The following LRMDA variants were observed in gnomAD, a reference collection of about 807,000 sequenced individuals.
LRMDA encodes the protein leucine rich melanocyte differentiation associated.
LRMDA carries 18 observed loss-of-function variants against 29.8 expected under a neutral mutation model. The observed-to-expected ratio is 0.60, with a 90% CI of 0.42 to 0.90. LRMDA has a LOEUF of 0.90. Among genes scored for constraint, LRMDA ranks in the 40% least tolerant of loss-of-function variants. The pLI, the probability that LRMDA is intolerant of heterozygous loss-of-function variation, is 0.00. For missense variants in LRMDA, 273 were observed against 273.9 expected (o/e 1.00, Z 0.02); for synonymous variants, 125 against 109.4 (o/e 1.14, Z -0.89).
At chr10:75,744,995 C>T (rs1842873338) in intron 2 of LRMDA, among the ~76,000 whole-genome samples, 1 of 152,222 alleles carries the variant, frequency 6.6e-6, no homozygotes, top group Non-Finnish European at 1.5e-5. Context: ...TCTGACCACA[C>T]TGTGCACGTC....
chr10:75,862,175 G>A (rs562197617), intron 2 of LRMDA, among the ~76,000 whole-genome samples: 1 of 85,944 alleles, frequency 1.2e-5, no homozygotes, highest in South Asian at 4.6e-4. Flanking sequence ...CAAAACCTTG[G>A]GTTCACACAC....
intron 2 of LRMDA, among the ~76,000 whole-genome samples, chr10:75,619,006 C>G (rs1244540911): frequency 6.6e-6 from 1 of 151,892 alleles, no homozygotes; most frequent in African/African-American, 2.4e-5. Flanking sequence ...ACCGTGTTAG[C>G]CAGGTTGGTC....
chr10:75,996,814 G>A (rs1041729080), intron 2 of LRMDA, among the ~76,000 whole-genome samples: 7 of 150,636 alleles, frequency 4.6e-5, no homozygotes, highest in African/African-American at 1.7e-4. Context: ...CTCACTGCAA[G>A]CTCCGCCTCC....
chr10:75,616,240 T>TAGCAGCAGCAGCAGCAGCAGC (rs773644340), intron 2 of LRMDA, among the ~76,000 whole-genome samples: 1 of 146,798 alleles, frequency 6.8e-6, no homozygotes, highest in African/African-American at 2.7e-5. Context: ...ATAGTAGCAG[T>TAGCAGCAGCAGCAGCAGCAGC]AGCAGCAGTA....
Position 76,015,317 on chromosome 10 carries a change from C to T in LRMDA, c.132-20691C>T, listed in dbSNP as rs138352960. The stretch of plus-strand genomic sequence containing the variant: ...GTGGTTAAGGCATGGAACAGGGCTG[C>T]AGTCCTGTCAAGGCTTCCCAGGGAG... On this transcript the variant is annotated intron_variant, in intron 2 of 6. Transcript: ENST00000611255. Among the ~76,000 whole-genome samples the T allele has an allele frequency of 2.6e-3, 391 of 152,336 alleles. 3 individuals carry two copies. The highest frequency in any genetic ancestry group is 8.6e-3 in the African/African-American group (356 of 41,574).
intron 2 of LRMDA, among the ~76,000 whole-genome samples, chr10:75,908,628 A>G (rs2132373926): frequency 6.6e-6 from 1 of 152,330 alleles, no homozygotes; most frequent in Non-Finnish European, 1.5e-5. Context: ...TCGTTGTGAA[A>G]GAGATGGCTG....
chr10:75,977,278 G>A lies in LRMDA; in HGVS notation c.132-58730G>A, dbSNP rs144051908. ...ATAGCTCAAGAGGTTTAATTTGCATGTGTTGCCTTTTACAATATGCTTTTC... is the reference window on the plus strand; with the variant it reads ...ATAGCTCAAGAGGTTTAATTTGCATATGTTGCCTTTTACAATATGCTTTTC... On this transcript the variant is annotated intron_variant, in intron 2 of 6. Transcript: ENST00000611255. Among the ~76,000 whole-genome samples the A allele has an allele frequency of 2.1e-3, 313 of 152,304 alleles. 7 individuals are homozygous for A. In the East Asian group the frequency reaches 0.023, roughly 11 times the overall value.
intron 1 of LRMDA, among the ~76,000 whole-genome samples, chr10:75,432,285 G>A (rs1844208782): frequency 6.6e-6 from 1 of 152,126 alleles, no homozygotes; most frequent in Middle Eastern, 3.2e-3. Flanking sequence ...GGTGCTGGTG[G>A]GCCCTGCGCT....
chr10:75,468,145 A>T (rs1019167868), intron 2 of LRMDA, among the ~76,000 whole-genome samples: 3 of 152,226 alleles, frequency 2.0e-5, no homozygotes, highest in Admixed American at 6.5e-5. Flanking sequence ...GGAACCAGGC[A>T]AAAGTATTTG....
chr10:76,016,353 T>TG (rs72313668), intron 2 of LRMDA, among the ~76,000 whole-genome samples: 2 of 152,138 alleles, frequency 1.3e-5, no homozygotes, highest in African/African-American at 4.8e-5. Context: ...CTGATTTTTT[T>TG]TTTTTTTAGT....
chr10:76,036,373 G>C (rs117013064), intron 3 of LRMDA, among the ~76,000 whole-genome samples: 153 of 152,298 alleles, frequency 1.0e-3, no homozygotes, highest in Non-Finnish European at 1.8e-3. Flanking sequence ...TCTTCCTGTT[G>C]CTCCATTTTA....
intron 3 of LRMDA, among the ~76,000 whole-genome samples, chr10:76,045,136 C>T (rs1001660652): frequency 1.3e-5 from 2 of 150,678 alleles, no homozygotes; most frequent in Non-Finnish European, 3.0e-5. Context: ...CTAGTTTCCC[C>T]CTCTCTTGCT....
At chr10:75,806,996 A>G (rs1408651229) in intron 2 of LRMDA, among the ~76,000 whole-genome samples, 1 of 152,114 alleles carries the variant, frequency 6.6e-6, no homozygotes, top group Non-Finnish European at 1.5e-5. Flanking sequence ...TAGCATAAGA[A>G]TTGCTCTGGT....
At chr10:75,628,307 C>T (rs1841278232) in intron 2 of LRMDA, among the ~76,000 whole-genome samples, 1 of 152,180 alleles carries the variant, frequency 6.6e-6, no homozygotes, top group Non-Finnish European at 1.5e-5. Context: ...AATGGCAACA[C>T]AACCTGATGG....
At chr10:75,831,877 G>C (rs537609840) in intron 2 of LRMDA, among the ~76,000 whole-genome samples, 196 of 152,322 alleles carry the variant, frequency 1.3e-3, no homozygotes, top group African/African-American at 4.4e-3. Context: ...GCTGTACCTT[G>C]ACCACTTTTA....
At chr10:75,773,884 G>A (rs1174939415) in intron 2 of LRMDA, among the ~76,000 whole-genome samples, 2 of 152,154 alleles carry the variant, frequency 1.3e-5, no homozygotes, top group Non-Finnish European at 2.9e-5. Context: ...TTTAATCAAA[G>A]GTAGTTGTGT....
At chr10:76,350,313 A>C (rs1841159876) in intron 6 of LRMDA, among the ~76,000 whole-genome samples, 1 of 152,198 alleles carries the variant, frequency 6.6e-6, no homozygotes, top group South Asian at 2.1e-4. Context: ...CTTAACATCA[A>C]GCAAGTCTTG....
At chr10:76,476,998 G>A (rs1457130470) in intron 6 of LRMDA, among the ~76,000 whole-genome samples, 2 of 152,082 alleles carry the variant, frequency 1.3e-5, no homozygotes, top group African/African-American at 4.8e-5. Context: ...CACAAGACAG[G>A]GATGCCCTCT....
At chr10:76,386,443 G>A (rs1229552224) in intron 6 of LRMDA, among the ~76,000 whole-genome samples, 6 of 152,186 alleles carry the variant, frequency 3.9e-5, no homozygotes. Flanking sequence ...GGACTAAAAT[G>A]TGATAATAGG....
Sources: gnomAD v4.1 joint callset for allele counts (sites outside exome capture counted in the v4.1 genomes callset) on GRCh38, gnomAD v4.1.1 for gene constraint, MANE v1.5 for transcripts, NCBI Gene and HGNC (gene_info 2026-07-23, HGNC 2026-07-21) for gene names.